ANK3: variants seen among roughly 807,000 people sequenced by gnomAD.
The protein encoded by ANK3 is ankyrin-3.
In ANK3, 57 loss-of-function variants were observed where a neutral mutation model predicts 370.9. The observed-to-expected ratio is 0.15, with a 90% CI of 0.12 to 0.19. The LOEUF (loss-of-function observed/expected upper bound fraction) is 0.19. Ranked by LOEUF, ANK3 falls within the 10% of genes least tolerant of loss-of-function variation. The probability of loss-of-function intolerance (pLI) is 1.00; values close to 1 mark genes in which losing one functional copy is unlikely to be tolerated. For missense variants in ANK3, 4,439 were observed against 5,302.1 expected (o/e 0.84, Z 5.06); for synonymous variants, 1,929 against 1,946.3 (o/e 0.99, Z 0.23).
intron 2 of ANK3, among the ~76,000 whole-genome samples, chr10:60,468,072 C>G (rs1266116786): frequency 2.0e-5 from 3 of 151,264 alleles, no homozygotes; most frequent in African/African-American, 7.3e-5. Context: ...GCAATCTCCG[C>G]CTCCTGGGTT....
rs186950132 is a variant in ANK3, at chr10:60,300,268, C to T, written c.115-20629G>A. ...AAAGGCACAACTATTCAGGGCAAAA[C>T]AGAACTTCTATAAGGAAAGTACATT... On this transcript the variant is annotated intron_variant, in intron 1 of 43. Coordinates refer to ENST00000280772, the MANE Select transcript of ANK3 (RefSeq NM_020987.5). 105 of 1,129,778 alleles carry T rather than the reference C, an allele frequency of 9.3e-5. No individual in the cohort carries two copies. In the African/African-American group the frequency reaches 1.5e-3, roughly 16 times the overall value. The allele number at this position is 1,129,778 out of a possible 1,614,324, so 70.0% of individuals were successfully genotyped here.
At chr10:60,355,620 C>T (rs1356208666) in intron 1 of ANK3, among the ~76,000 whole-genome samples, 2 of 152,154 alleles carry the variant, frequency 1.3e-5, no homozygotes, top group East Asian at 3.9e-4. Context: ...ACCAAAGGCT[C>T]CCCCTTCTAA....
chr10:60,559,120 T>C (rs2077276157), intron 2 of ANK3, among the ~76,000 whole-genome samples: 1 of 152,148 alleles, frequency 6.6e-6, no homozygotes, highest in Admixed American at 6.5e-5. Flanking sequence ...CATGCCTTCT[T>C]TTTAAAAAAA....
intron 7 of ANK3, among the ~76,000 whole-genome samples, chr10:60,250,512 CTG>C (rs1565991533): frequency 4.3e-4 from 65 of 152,242 alleles, no homozygotes; most frequent in African/African-American, 1.3e-3. Flanking sequence ...CTACAGGTGC[CTG>C]CCACCACGCC....
chr10:60,360,947 A>G (rs2132734852), intron 1 of ANK3, among the ~76,000 whole-genome samples: 1 of 152,130 alleles, frequency 6.6e-6, no homozygotes, highest in South Asian at 2.1e-4. Context: ...TTTTTCTAAG[A>G]AAGATTGGTG....
At chr10:60,341,897 T>C (rs1191532027) in intron 1 of ANK3, among the ~76,000 whole-genome samples, 1 of 152,130 alleles carries the variant, frequency 6.6e-6, no homozygotes, top group Non-Finnish European at 1.5e-5. Flanking sequence ...TAAATGGTTG[T>C]CATCTTCCCA....
chr10:60,493,219 T>C (rs2075569725), intron 2 of ANK3, among the ~76,000 whole-genome samples: 1 of 152,170 alleles, frequency 6.6e-6, no homozygotes, highest in Admixed American at 6.5e-5. Flanking sequence ...CTAGGAATAT[T>C]GCTAGACTAA....
At chr10:60,110,030 G>A (rs956235451) in intron 26 of ANK3, among the ~76,000 whole-genome samples, 4 of 152,000 alleles carry the variant, frequency 2.6e-5, no homozygotes, top group South Asian at 4.1e-4. Flanking sequence ...TAGTTTCCAC[G>A]TATGAAAATA....
At chr10:60,733,037 GC>G (rs1445864724) in intron 1 of ANK3, among the ~76,000 whole-genome samples, 1 of 151,918 alleles carries the variant, frequency 6.6e-6, no homozygotes, top group African/African-American at 2.4e-5. Flanking sequence ...CCGAGTTCGA[GC>G]TCTCGCCTCT....
intron 34 of ANK3, 121 bp from the exon 35 acceptor site, chr10:60,082,297 A>G: frequency 5.4e-6 from 5 of 929,270 alleles, no homozygotes; most frequent in Non-Finnish European, 8.1e-6. Flanking sequence ...TTAGAAAGCA[A>G]AGCAAATTTT....
chr10:60,637,223 A>G (rs1416791916), intron 1 of ANK3, among the ~76,000 whole-genome samples: 1 of 152,148 alleles, frequency 6.6e-6, no homozygotes, highest in Non-Finnish European at 1.5e-5. Context: ...CCTTTTCCCC[A>G]TGCTACTAAG....
intron 1 of ANK3, among the ~76,000 whole-genome samples, chr10:60,703,767 C>T (rs920646): frequency 0.68 from 103,797 of 151,964 alleles, 35,563 homozygotes; most frequent in South Asian, 0.84. Context: ...CTCTGTGCAC[C>T]TCTTCCTGCC....
intron 1 of ANK3, among the ~76,000 whole-genome samples, chr10:60,329,762 C>T (rs1593880513): frequency 6.6e-6 from 1 of 152,164 alleles, no homozygotes; most frequent in Admixed American, 6.5e-5. Context: ...CACTGACTTT[C>T]CTCACAGAAT....
intron 2 of ANK3, among the ~76,000 whole-genome samples, chr10:60,577,274 T>A (rs1279299307): frequency 6.6e-6 from 1 of 152,088 alleles, no homozygotes; most frequent in South Asian, 2.1e-4. Flanking sequence ...TTGCCCACTA[T>A]CTCAAGTGAT....
intron 32 of ANK3, chr10:60,083,825 T>G: frequency 2.3e-6 from 1 of 435,230 alleles, no homozygotes; most frequent in Non-Finnish European, 4.0e-6. Flanking sequence ...CATGGACATA[T>G]ACAGAACAGA....
chr10:60,318,967 T>C (rs989634919), intron 1 of ANK3, among the ~76,000 whole-genome samples: 3 of 152,230 alleles, frequency 2.0e-5, no homozygotes, highest in Non-Finnish European at 4.4e-5. Context: ...TGAATCCATT[T>C]GATACCACTG....
chr10:60,375,360 GCA>G (rs2060635109), intron 1 of ANK3, among the ~76,000 whole-genome samples: 2 of 152,234 alleles, frequency 1.3e-5, no homozygotes, highest in Non-Finnish European at 2.9e-5. Flanking sequence ...CTGCATATGA[GCA>G]CTCTTACCAG....
At chr10:60,592,165 G>A (rs914059823) in intron 2 of ANK3, among the ~76,000 whole-genome samples, 3 of 151,998 alleles carry the variant, frequency 2.0e-5, no homozygotes, top group Admixed American at 1.3e-4. Context: ...TTGAATGCCT[G>A]TATCAAAACA....
chr10:60,598,183 T>C (rs1374715545), intron 2 of ANK3, among the ~76,000 whole-genome samples: 2 of 152,196 alleles, frequency 1.3e-5, no homozygotes, highest in Admixed American at 1.3e-4. Flanking sequence ...CTAAGTTAGC[T>C]GAGTGTTATC....
Sources: allele counts gnomAD v4.1 joint callset (sites outside exome capture counted in the v4.1 genomes callset), GRCh38; gene constraint gnomAD v4.1.1; transcripts MANE v1.5; gene names NCBI Gene and HGNC (gene_info 2026-07-23, HGNC 2026-07-21).